Variants in RPS6KC1 observed in about 807,000 individuals in gnomAD.
RPS6KC1 encodes inactive ribosomal protein S6 kinase delta-1.
Under a neutral mutation model 103.8 loss-of-function variants are expected in RPS6KC1, and 54 were observed. The ratio of observed to expected loss-of-function variants is 0.52; its 90% CI spans 0.42 to 0.65. RPS6KC1 has a LOEUF of 0.65. RPS6KC1 is among the 30% of genes least tolerant of loss of function. The probability of loss-of-function intolerance (pLI) is 0.00; values close to 1 mark genes in which losing one functional copy is unlikely to be tolerated. For missense variants in RPS6KC1, 1,151 were observed against 1,253.8 expected (o/e 0.92, Z 1.24); for synonymous variants, 439 against 438.7 (o/e 1.00, Z -0.01).
chr1:213,708,815 G>A, the RPS6KC1 span, among the ~76,000 whole-genome samples: 2 of 152,114 alleles, frequency 1.3e-5, no homozygotes, highest in African/African-American at 2.4e-5. Flanking sequence ...TAATCATGTG[G>A]TTTTTGTCAT....
At chr1:213,589,116 T>G in the RPS6KC1 span, among the ~76,000 whole-genome samples, 7 of 152,190 alleles carry the variant, frequency 4.6e-5, no homozygotes, top group African/African-American at 1.4e-4. Flanking sequence ...TGAGGAGGCC[T>G]GGGATCCCTG....
chr1:213,542,602 G>A, the RPS6KC1 span, among the ~76,000 whole-genome samples: 1 of 152,186 alleles, frequency 6.6e-6, no homozygotes, highest in Non-Finnish European at 1.5e-5. Context: ...CAGAGATGAT[G>A]AGAGGTAAAA....
At chr1:213,390,259 C>T in the RPS6KC1 span, among the ~76,000 whole-genome samples, 5 of 152,108 alleles carry the variant, frequency 3.3e-5, no homozygotes, top group Non-Finnish European at 4.4e-5. Context: ...AGTTGGATGG[C>T]GAGGGTTTTT....
the RPS6KC1 span, among the ~76,000 whole-genome samples, chr1:213,823,407 A>C: frequency 6.6e-6 from 1 of 152,172 alleles, no homozygotes; most frequent in Non-Finnish European, 1.5e-5. Flanking sequence ...AAGTGAATGA[A>C]TGAATTGATG....
chr1:213,804,189 A>AAAC, the RPS6KC1 span, among the ~76,000 whole-genome samples: 1 of 150,172 alleles, frequency 6.7e-6, no homozygotes, highest in African/African-American at 2.5e-5. Flanking sequence ...AAAAAAAAAA[A>AAAC]AAAAAAAAAC....
the RPS6KC1 span, among the ~76,000 whole-genome samples, chr1:213,614,786 C>T: frequency 6.6e-6 from 1 of 152,222 alleles, no homozygotes; most frequent in East Asian, 1.9e-4. Context: ...CAAGACTGGG[C>T]TCTTTCAGCC....
At chr1:213,640,205 C>T in the RPS6KC1 span, among the ~76,000 whole-genome samples, 12 of 151,812 alleles carry the variant, frequency 7.9e-5, no homozygotes, top group Admixed American at 2.0e-4. Context: ...TTCTGTATTT[C>T]GTTATTTCCT....
At chr1:213,082,957 T>G (rs1318753387) in intron 3 of RPS6KC1, among the ~76,000 whole-genome samples, 1 of 152,188 alleles carries the variant, frequency 6.6e-6, no homozygotes. Flanking sequence ...ATAGTAGGGC[T>G]TCGTGGAAGT....
intron 3 of RPS6KC1, among the ~76,000 whole-genome samples, chr1:213,095,779 T>A (rs2081396284): frequency 6.6e-6 from 1 of 152,214 alleles, no homozygotes; most frequent in South Asian, 2.1e-4. Context: ...CTTAAAAAAG[T>A]ACGTACCTTA....
chr1:213,659,108 G>A, the RPS6KC1 span, among the ~76,000 whole-genome samples: 219 of 152,176 alleles, frequency 1.4e-3, no homozygotes, highest in African/African-American at 5.1e-3. Flanking sequence ...GGGATTACAG[G>A]TGCCTGCCAT....
the RPS6KC1 span, among the ~76,000 whole-genome samples, chr1:213,515,622 G>A: frequency 6.6e-6 from 1 of 152,176 alleles, no homozygotes; most frequent in Non-Finnish European, 1.5e-5. Context: ...ATGCTGTTTT[G>A]GTTACTGTAG....
At chr1:213,365,311 C>T in the RPS6KC1 span, among the ~76,000 whole-genome samples, 32 of 152,338 alleles carry the variant, frequency 2.1e-4, no homozygotes, top group African/African-American at 7.7e-4. Context: ...CCTCTTCTTT[C>T]TCTCTGTCTC....
chr1:213,680,403 C>G, the RPS6KC1 span, among the ~76,000 whole-genome samples: 1 of 152,276 alleles, frequency 6.6e-6, no homozygotes, highest in East Asian at 1.9e-4. Context: ...TCACAGGAAC[C>G]TGAAAACCTG....
At chr1:213,793,650 A>G in the RPS6KC1 span, among the ~76,000 whole-genome samples, 1 of 152,194 alleles carries the variant, frequency 6.6e-6, no homozygotes, top group Non-Finnish European at 1.5e-5. Context: ...CATGTCAGTC[A>G]AGACTAACCG....
At chr1:213,488,121 G>T in the RPS6KC1 span, among the ~76,000 whole-genome samples, 1 of 152,088 alleles carries the variant, frequency 6.6e-6, no homozygotes, top group Non-Finnish European at 1.5e-5. Context: ...TCACACTATG[G>T]TCACCTAAAC....
the RPS6KC1 span, among the ~76,000 whole-genome samples, chr1:213,495,445 C>T: frequency 6.6e-6 from 1 of 152,176 alleles, no homozygotes; most frequent in Non-Finnish European, 1.5e-5. Context: ...CCTCAGCCTC[C>T]TGAGTAGCTG....
At chr1:213,297,821 C>T in the RPS6KC1 span, among the ~76,000 whole-genome samples, 9 of 152,296 alleles carry the variant, frequency 5.9e-5, 1 homozygote, top group South Asian at 1.9e-3. Flanking sequence ...CAAGGTCTCA[C>T]TACATTGCCT....
rs1388041759 is a variant in RPS6KC1, at chr1:213,273,074, G to A, written c.*440G>A. On this transcript the variant is annotated 3_prime_UTR_variant, in exon 15 of 15. Transcript: ENST00000366960. ...ATATTTGCTTAATAATACACTAAAA[G>A]TATATGAACAATGTCATCAATGAAA... 3 of 156,156 alleles carry A rather than the reference G, an allele frequency of 1.9e-5. No individual in the cohort carries two copies. Among genetic ancestry groups the A allele is most frequent in the Non-Finnish European group, 4.3e-5 (3 of 70,054 alleles). 9.7% of individuals were successfully genotyped at this position (156,156 alleles called of 1,614,324 possible).
the RPS6KC1 span, among the ~76,000 whole-genome samples, chr1:213,452,785 C>T: frequency 6.6e-6 from 1 of 152,190 alleles, no homozygotes; most frequent in South Asian, 2.1e-4. Context: ...TATAAAAGTA[C>T]ACGAGCAAAC....
Sources: gnomAD v4.1 joint callset for allele counts (sites outside exome capture counted in the v4.1 genomes callset) on GRCh38, gnomAD v4.1.1 for gene constraint, MANE v1.5 for transcripts, NCBI Gene and HGNC (gene_info 2026-07-23, HGNC 2026-07-21) for gene names.